Variants in UBA2 observed in about 807,000 individuals in gnomAD.
UBA2 encodes the protein ubiquitin like modifier activating enzyme 2.
UBA2 carries 11 observed loss-of-function variants against 77.2 expected under a neutral mutation model. The ratio of observed to expected loss-of-function variants is 0.14; its 90% CI spans 0.09 to 0.24. The LOEUF is 0.24. UBA2 is among the 10% of genes least tolerant of loss of function. UBA2 has a pLI of 1.00. For synonymous variants in UBA2, 278 were observed against 276.7 expected (o/e 1.00, Z -0.05); for missense variants, 487 against 781.7 (o/e 0.62, Z 4.50).
intron 8 of UBA2, among the ~76,000 whole-genome samples, chr19:34,449,250 A>G (rs1207700572): frequency 3.3e-5 from 5 of 151,812 alleles, no homozygotes; most frequent in African/African-American, 1.2e-4. Context: ...TTGTATTTTT[A>G]GTAGAGATGG....
intron 6 of UBA2, among the ~76,000 whole-genome samples, chr19:34,440,245 AC>A (rs1488962735): frequency 6.7e-6 from 1 of 149,446 alleles, no homozygotes; most frequent in African/African-American, 2.5e-5. Context: ...AATCACTTGA[AC>A]CCAGTGGGTG....
chr19:34,443,989 G>T, intron 7 of UBA2, 78 bp downstream of exon 7: 2 of 867,330 alleles, frequency 2.3e-6, no homozygotes, highest in Non-Finnish European at 1.9e-6. Flanking sequence ...TAGCTTAAGG[G>T]AAAAAAATTG....
intron 7 of UBA2, among the ~76,000 whole-genome samples, chr19:34,444,383 T>C (rs2075405978): frequency 6.6e-6 from 1 of 152,136 alleles, no homozygotes; most frequent in South Asian, 2.1e-4. Flanking sequence ...AAAAATATGA[T>C]TCCGTTTTAC....
At chr19:34,459,076 C>A in intron 13 of UBA2, 152 bp downstream of exon 13, 1 of 792,604 alleles carries the variant, frequency 1.3e-6, no homozygotes, top group Non-Finnish European at 1.9e-6. Flanking sequence ...TTCCTGCAGG[C>A]TTTTCTGTCT....
At chr19:34,454,184 A>C in intron 10 of UBA2, 76 bp from the exon 11 acceptor site, 1 of 1,264,202 alleles carries the variant, frequency 7.9e-7, no homozygotes, top group Non-Finnish European at 1.1e-6. Flanking sequence ...AACACGTGAA[A>C]GTATTGTTCT....
chr19:34,464,156 G>T (rs1233983439), intron 15 of UBA2, 25 bp downstream of exon 15: 1 of 1,429,908 alleles, frequency 7.0e-7, no homozygotes, highest in Non-Finnish European at 9.8e-7. Context: ...TATTTTAATT[G>T]TAAGAAATTA....
At chr19:34,445,935 A>G (rs891046266) in intron 8 of UBA2, among the ~76,000 whole-genome samples, 3 of 152,096 alleles carry the variant, frequency 2.0e-5, no homozygotes, top group Non-Finnish European at 2.9e-5. Flanking sequence ...ATTATTGTTC[A>G]TCTAGACCCG....
intron 10 of UBA2, among the ~76,000 whole-genome samples, chr19:34,454,034 CAG>C (rs1337067768): frequency 6.6e-6 from 1 of 152,068 alleles, no homozygotes; most frequent in East Asian, 1.9e-4. Flanking sequence ...GTGTTCTTGT[CAG>C]ACTCATTACT....
chr19:34,457,954 C>G (rs2075586358), intron 12 of UBA2, among the ~76,000 whole-genome samples: 1 of 151,904 alleles, frequency 6.6e-6, no homozygotes, highest in Admixed American at 6.6e-5. Context: ...ACATTTTTTT[C>G]CCTCATTATA....
At chr19:34,457,135 CCTGA>C (rs1451730822) in intron 12 of UBA2, among the ~76,000 whole-genome samples, 5 of 130,036 alleles carry the variant, frequency 3.8e-5, no homozygotes, top group Admixed American at 8.4e-5. Context: ...TCGAGACTAG[CCTGA>C]CTAACGTGGA....
intron 6 of UBA2, among the ~76,000 whole-genome samples, chr19:34,440,015 T>G (rs2075351452): frequency 6.6e-6 from 1 of 151,818 alleles, no homozygotes; most frequent in Non-Finnish European, 1.5e-5. Context: ...ATGATCTGGG[T>G]AAATACATTT....
chr19:34,449,177 C>A (rs2075465268), intron 8 of UBA2, among the ~76,000 whole-genome samples: 1 of 142,664 alleles, frequency 7.0e-6, no homozygotes, highest in Non-Finnish European at 1.5e-5. Context: ...TCAAGCGATT[C>A]TCCTGCCTCA....
chr19:34,469,058 T>A lies in UBA2; in HGVS notation c.1760T>A (p.Val587Asp), dbSNP rs762418287. The change falls in exon 17 of 17, where the codon GTT becomes GAT. Residue 587 changes from valine (V) to aspartate (D), a missense_variant. By Grantham distance (152) the Val-to-Asp change is radical. Coordinates refer to ENST00000246548, the MANE Select transcript of UBA2 (RefSeq NM_005499.3). Reference sequence around the variant, plus strand: ...AAATAAGCTCAAGAGCAAGATGACGTTCTCATAGTTGATTCAGATGAAGAA... The same window carrying A: ...AAATAAGCTCAAGAGCAAGATGACGATCTCATAGTTGATTCAGATGAAGAA... ...STSTAQEQDD[V>D]LIVDSDEEDS... 3.1e-6 allele frequency: 5 copies of A among 1,605,164 alleles called. No homozygotes were observed. The South Asian group carries it at 5.6e-5, about 18-fold the overall frequency.
intron 10 of UBA2, among the ~76,000 whole-genome samples, chr19:34,453,460 T>G (rs1307676486): frequency 6.6e-6 from 1 of 151,542 alleles, no homozygotes; most frequent in African/African-American, 2.4e-5. Context: ...GAAGAGAGTT[T>G]GGCAAAGGGG....
intron 2 of UBA2, among the ~76,000 whole-genome samples, chr19:34,431,244 C>CTTTTTTTTTTTTTTTTTTTTTT (rs1184297228): frequency 1.4e-5 from 1 of 69,390 alleles, no homozygotes; most frequent in Non-Finnish European, 2.5e-5. Flanking sequence ...ATTTTCTTTT[C>CTTTTTTTTTTTTTTTTTTTTTT]TTTTTTTTTT....
In UBA2 at chr19:34,431,678, A is replaced by G. The variant is rs183876235; in HGVS notation, c.223-183A>G. ...GGGGCTCTCCGGTTATTTTATAAGT[A>G]TAAAAGTATAATTTTATAAGTGTAG... is the stretch of plus-strand genomic sequence containing the variant. On this transcript the variant is annotated intron_variant, in intron 2 of 16. Coordinates refer to ENST00000246548, the MANE Select transcript of UBA2 (RefSeq NM_005499.3). 3.8e-3 allele frequency among the ~76,000 whole-genome samples: 586 copies of G among 152,232 alleles called. 3 individuals carry two copies. The highest frequency in any genetic ancestry group is 0.013 in the African/African-American group (555 of 41,538).
intron 5 of UBA2, among the ~76,000 whole-genome samples, chr19:34,437,604 G>A (rs896271013): frequency 1.3e-5 from 2 of 152,054 alleles, no homozygotes; most frequent in Admixed American, 6.6e-5. Flanking sequence ...GCGAAATTCC[G>A]TCTCAGACAA....
In UBA2 at chr19:34,454,265, C is replaced by A; in HGVS notation, c.1044C>A (p.Asp348Glu). ...ATTGTTTAAATTATTGGCAGGATGA[C>A]CCATCTGCAATGGATTTTGTCACCT... Reference protein sequence around the residue: ...DGAELIWDKDDPSAMDFVTSA... With the variant: ...DGAELIWDKDEPSAMDFVTSA... The change falls in exon 11 of 17, where the codon GAC becomes GAA. Residue 348 changes from aspartate (D) to glutamate (E), a missense_variant. Physicochemically the swap from Asp to Glu is conservative, Grantham distance 45. This residue lies in a region of UBA2 where 300 missense variants were observed against 454.3 expected (regional missense o/e 0.66). Transcript: ENST00000246548. 1 of 1,607,384 alleles carries A rather than the reference C, an allele frequency of 6.2e-7. No homozygotes were observed. The highest frequency in any genetic ancestry group is 1.1e-5 in the South Asian group (1 of 89,452).
At chr19:34,447,515 G>A (rs1395797940) in intron 8 of UBA2, among the ~76,000 whole-genome samples, 1 of 152,190 alleles carries the variant, frequency 6.6e-6, no homozygotes, top group Non-Finnish European at 1.5e-5. Flanking sequence ...ATCTGAGCAA[G>A]ACTTGAAAGC....
Sources: gnomAD v4.1 joint callset for allele counts (sites outside exome capture counted in the v4.1 genomes callset) on GRCh38, gnomAD v4.1.1 for gene constraint, gnomAD v4.1.1 regional missense constraint, MANE v1.5 for transcripts, NCBI Gene and HGNC (gene_info 2026-07-23, HGNC 2026-07-21) for gene names.